CLEC2D: variants seen among roughly 807,000 people sequenced by gnomAD.
CLEC2D encodes the protein C-type lectin domain family 2 member D.
In CLEC2D, 16 loss-of-function variants were observed where a neutral mutation model predicts 20.0. The ratio of observed to expected loss-of-function variants is 0.80; its 90% CI spans 0.54 to 1.22. CLEC2D has a LOEUF of 1.22. Among genes scored for constraint, CLEC2D ranks in the 50% most tolerant of loss-of-function variants. The pLI is 0.00. For synonymous variants in CLEC2D, 77 were observed against 71.1 expected (o/e 1.08, Z -0.42); for missense variants, 207 against 221.5 (o/e 0.93, Z 0.42).
Position 9,696,060 on chromosome 12 carries a change from A to G in CLEC2D, c.*1186A>G. 2 of 1,247,872 alleles carry G rather than the reference A, an allele frequency of 1.6e-6. No individual in the cohort carries two copies. The highest frequency in any genetic ancestry group is 1.2e-5 in the South Asian group (1 of 83,964). 77.3% of individuals were successfully genotyped at this position (1,247,872 alleles called of 1,614,324 possible). A position where few individuals can be genotyped will look rare whatever the true frequency, so the allele number is the denominator to read the frequency against. On this transcript the variant is annotated 3_prime_UTR_variant, in exon 5 of 5. Coordinates refer to ENST00000290855, the MANE Select transcript of CLEC2D (RefSeq NM_013269.6). ...AACAGGAAAAATCTCCTAAAACACC[A>G]AAAGGATCTAGTTCTGTAGAAGACA...
chr12:9,678,021 C>G (rs1431910080), intron 1 of CLEC2D, among the ~76,000 whole-genome samples: 2 of 152,196 alleles, frequency 1.3e-5, no homozygotes, highest in Non-Finnish European at 1.5e-5. Context: ...ATATACCCTG[C>G]TGGATCTGTG....
In CLEC2D at chr12:9,686,597, A is replaced by G. The variant is rs373006482; in HGVS notation, c.173-1305A>G. Among the ~76,000 whole-genome samples the G allele has an allele frequency of 7.4e-4, 112 of 152,300 alleles. 2 individuals carry two copies. In the South Asian group the frequency reaches 0.023, roughly 31 times the overall value. ...AGGATAATGGTGCCAATTGATAGTAATGATTCTATGAATACCCAGCATTCT... is the reference window on the plus strand; with the variant it reads ...AGGATAATGGTGCCAATTGATAGTAGTGATTCTATGAATACCCAGCATTCT... On this transcript the variant is annotated intron_variant, in intron 2 of 4. Coordinates refer to ENST00000290855, the MANE Select transcript of CLEC2D (RefSeq NM_013269.6).
At chr12:9,678,290 T>TA (rs1865565889) in intron 1 of CLEC2D, among the ~76,000 whole-genome samples, 1 of 152,178 alleles carries the variant, frequency 6.6e-6, no homozygotes, top group Non-Finnish European at 1.5e-5. Flanking sequence ...TAGCTTCTCC[T>TA]GCTTTCTTTT....
Position 9,680,911 on chromosome 12 carries a change from A to G in CLEC2D, c.62-12A>G. 1 of 1,321,238 alleles carries G rather than the reference A, an allele frequency of 7.6e-7. No homozygotes were observed. 81.8% of individuals were successfully genotyped at this position (1,321,238 alleles called of 1,614,324 possible). A position where few individuals can be genotyped will look rare whatever the true frequency, so the allele number is the denominator to read the frequency against. The stretch of plus-strand genomic sequence containing the variant: ...TTTAATTGTTAAAATGTTTTTCAAT[A>G]ATTTTTTCCAGGTTGTCTGCATTCA... On this transcript the variant is annotated splice_polypyrimidine_tract_variant and intron_variant, in intron 1 of 4. Transcript: ENST00000290855.
At chr12:9,684,076 GAAGAGGTCCTTCACATCTCTTGT>G (rs893695105) in intron 2 of CLEC2D, among the ~76,000 whole-genome samples, 2 of 152,070 alleles carry the variant, frequency 1.3e-5, no homozygotes, top group Non-Finnish European at 2.9e-5. Flanking sequence ...AGTTCTCCTT[GAAGAGGTCCTTCACATCTCTTGT>G]AAGTTGTATT....
chr12:9,691,170 A>G (rs1180229323), intron 3 of CLEC2D, among the ~76,000 whole-genome samples: 3 of 152,086 alleles, frequency 2.0e-5, no homozygotes, highest in African/African-American at 7.2e-5. Context: ...TACAAGAGAA[A>G]AAGAAGGGCA....
intron 1 of CLEC2D, among the ~76,000 whole-genome samples, chr12:9,675,187 A>G (rs898912979): frequency 8.6e-6 from 1 of 116,230 alleles, no homozygotes; most frequent in African/African-American, 2.9e-5. Flanking sequence ...TTATTTGTCT[A>G]TTCCTTTTTT....
intron 2 of CLEC2D, among the ~76,000 whole-genome samples, chr12:9,685,529 T>C (rs1322385920): frequency 6.6e-6 from 1 of 152,244 alleles, no homozygotes; most frequent in Non-Finnish European, 1.5e-5. Flanking sequence ...CTTTCAGAGA[T>C]GCCCTGCCCA....
At chr12:9,670,385 G>C (rs1028812862) in intron 1 of CLEC2D, among the ~76,000 whole-genome samples, 9 of 152,128 alleles carry the variant, frequency 5.9e-5, no homozygotes, top group Non-Finnish European at 1.0e-4. Context: ...TTAAAAGTTT[G>C]GAGTTTTCTC....
At chr12:9,692,027 ACCAGCCTATGCTG>A (rs1450194201) in intron 3 of CLEC2D, among the ~76,000 whole-genome samples, 1 of 152,196 alleles carries the variant, frequency 6.6e-6, no homozygotes, top group Non-Finnish European at 1.5e-5. Context: ...AGCAAAGGAA[ACCAGCCTATGCTG>A]CTGCTGTTGT....
chr12:9,681,706 A>G (rs1210963226), intron 2 of CLEC2D, among the ~76,000 whole-genome samples: 1 of 152,210 alleles, frequency 6.6e-6, no homozygotes, highest in Non-Finnish European at 1.5e-5. Flanking sequence ...CCCTGTTACT[A>G]CATTCTGAAG....
intron 1 of CLEC2D, among the ~76,000 whole-genome samples, chr12:9,674,957 A>T (rs928994569): frequency 6.6e-6 from 1 of 152,108 alleles, no homozygotes; most frequent in Non-Finnish European, 1.5e-5. Flanking sequence ...TACCTTTAGG[A>T]CTATGATACA....
Position 9,687,482 on chromosome 12 carries a change from C to G in CLEC2D, c.173-420C>G, listed in dbSNP as rs936230708. ...TCCTGCTGTGCAGCCTGCTTCCTGACTCATCCATGGACCAGTACTGATCCA... is the reference window on the plus strand; with the variant it reads ...TCCTGCTGTGCAGCCTGCTTCCTGAGTCATCCATGGACCAGTACTGATCCA... On this transcript the variant is annotated intron_variant, in intron 2 of 4. Coordinates refer to ENST00000290855, the MANE Select transcript of CLEC2D (RefSeq NM_013269.6). Among the ~76,000 whole-genome samples the G allele has an allele frequency of 2.3e-4, 35 of 152,224 alleles. 1 individual carries two copies. The highest frequency in any genetic ancestry group is 7.0e-4 in the African/African-American group (29 of 41,452).
At position 9,688,924 on chromosome 12, in the gene CLEC2D, G is replaced by A. The variant is rs116679760; in HGVS notation, c.357+838G>A. Among the ~76,000 whole-genome samples, 1,390 of 152,290 alleles carry A rather than the reference G, an allele frequency of 9.1e-3. 15 individuals are homozygous for A. Among genetic ancestry groups the A allele is most frequent in the African/African-American group, 0.028 (1,178 of 41,546 alleles). ...TTGATAAAGAGGATGATAAATTTTGGTTAATGTTGGTGAATTTCAGCCTTT... is the reference window on the plus strand; with the variant it reads ...TTGATAAAGAGGATGATAAATTTTGATTAATGTTGGTGAATTTCAGCCTTT... On this transcript the variant is annotated intron_variant, in intron 3 of 4. Transcript: ENST00000290855.
chr12:9,685,140 T>C (rs1778625482), intron 2 of CLEC2D, among the ~76,000 whole-genome samples: 1 of 152,228 alleles, frequency 6.6e-6, no homozygotes, highest in Admixed American at 6.5e-5. Context: ...TTTATCCATT[T>C]CTTCCTTGCC....
intron 2 of CLEC2D, among the ~76,000 whole-genome samples, chr12:9,682,375 T>C (rs7979623): frequency 0.016 from 2,406 of 152,342 alleles, 59 homozygotes; most frequent in African/African-American, 0.054. Context: ...CCTAACTTTT[T>C]TTTTAAATTA....
chr12:9,696,548 TAAAA>T lies in CLEC2D; in HGVS notation c.*1686_*1689del, dbSNP rs56394007. Reference sequence around the variant, plus strand: ...AATAAAACTCAGTATTTTAATAAAGTAAAAAAAAAAAAAAAGGTATGGGGAAAAC... The same window carrying T: ...AATAAAACTCAGTATTTTAATAAAGTAAAAAAAAAAAGGTATGGGGAAAAC... On this transcript the variant is annotated 3_prime_UTR_variant, in exon 5 of 5. Transcript: ENST00000290855. 2.2e-4 allele frequency: 33 copies of T among 152,632 alleles called. No homozygotes were observed. Among genetic ancestry groups the T allele is most frequent in the East Asian group, 3.7e-4 (3 of 8,216 alleles). 9.5% of individuals were successfully genotyped at this position (152,632 alleles called of 1,614,324 possible).
chr12:9,687,924 A>G lies in CLEC2D; in HGVS notation c.195A>G (p.Gln65=). Residue 65 remains glutamine (Q), a synonymous_variant, in exon 3 of 5, where the codon CAA becomes CAG. Coordinates refer to ENST00000290855, the MANE Select transcript of CLEC2D (RefSeq NM_013269.6). The part of the protein sequence containing the change: ...ALSAIRANCH[Q]EPSVCLQAAC... ...CAGCAATAAGAGCTAACTGCCATCA[A>G]GAGCCATCAGTATGTCTTCAAGCTG... The G allele has an allele frequency of 6.3e-7, 1 of 1,596,574 alleles. No homozygotes were observed. Among genetic ancestry groups the G allele is most frequent in the Non-Finnish European group, 8.5e-7 (1 of 1,171,022 alleles).
chr12:9,680,185 GT>G, intron 1 of CLEC2D: 1 of 304,408 alleles, frequency 3.3e-6, no homozygotes. Flanking sequence ...TTACCCCTTT[GT>G]TAGGCACTTC....
Sources: gnomAD v4.1 joint callset for allele counts (sites outside exome capture counted in the v4.1 genomes callset) on GRCh38, gnomAD v4.1.1 for gene constraint, MANE v1.5 for transcripts, NCBI Gene and HGNC (gene_info 2026-07-23, HGNC 2026-07-21) for gene names.